Variants in AGBL1 observed in about 807,000 individuals in gnomAD.
The protein encoded by AGBL1 is cytosolic carboxypeptidase 4.
In AGBL1, 130 loss-of-function variants were observed where a neutral mutation model predicts 118.9. The ratio of observed to expected loss-of-function variants is 1.09; its 90% confidence interval spans 0.95 to 1.26. The LOEUF is 1.26. Among genes scored for constraint, AGBL1 ranks in the 50% most tolerant of loss-of-function variants. The pLI, the probability that AGBL1 is intolerant of heterozygous loss-of-function variation, is 0.00. For missense variants in AGBL1, 1,584 were observed against 1,298.1 expected (o/e 1.22, Z -3.38); for synonymous variants, 555 against 478.9 (o/e 1.16, Z -2.08).
At chr15:86,472,389 T>C (rs1401286231) in intron 18 of AGBL1, among the ~76,000 whole-genome samples, 1 of 152,190 alleles carries the variant, frequency 6.6e-6, no homozygotes, top group African/African-American at 2.4e-5. Flanking sequence ...GATTGGCCAG[T>C]GAATTGACAA....
chr15:86,806,915 CAT>C, intron 22 of AGBL1, among the ~76,000 whole-genome samples: 1 of 151,990 alleles, frequency 6.6e-6, no homozygotes, highest in East Asian at 1.9e-4. Context: ...TCATACGGTA[CAT>C]ATATATTATT....
chr15:86,529,805 A>C lies in AGBL1; in HGVS notation c.2685+6866A>C, dbSNP rs1341530302. Among the ~76,000 whole-genome samples, 3 of 151,566 alleles carry C rather than the reference A, an allele frequency of 2.0e-5. No homozygotes were observed. In the East Asian group the frequency reaches 5.8e-4, roughly 29 times the overall value. On this transcript the variant is annotated intron_variant, in intron 19 of 22. Coordinates refer to ENST00000614907, the MANE Select transcript of AGBL1 (RefSeq NM_001386094.1). ...CAGAAGAGACTGGGGGCCAATATTCAACATTCTTAAAGAAAAGAATTTTCA... is the reference window on the plus strand; with the variant it reads ...CAGAAGAGACTGGGGGCCAATATTCCACATTCTTAAAGAAAAGAATTTTCA...
intron 24 of AGBL1, among the ~76,000 whole-genome samples, chr15:86,993,765 A>G (rs531148188): frequency 6.6e-6 from 1 of 152,314 alleles, no homozygotes; most frequent in South Asian, 2.1e-4. Context: ...CCAGATTTCA[A>G]TGAATCTCCA....
chr15:86,271,053 T>TTTG (rs1330117024), intron 14 of AGBL1, among the ~76,000 whole-genome samples: 1 of 140,104 alleles, frequency 7.1e-6, no homozygotes, highest in Non-Finnish European at 1.5e-5. Context: ...ATTTTTTTTT[T>TTTG]TTTTTTTTTT....
rs149130889 is a variant in AGBL1 at position 86,628,523 on chromosome 15, G to A, written c.2995-45750G>A. ...TCTTTAAAAAAATTTTTGGCTGGGC[G>A]CAGTGGCTCATGCCTGTAATCCCAG... On this transcript the variant is annotated intron_variant, in intron 21 of 22. Transcript: ENST00000614907. 3.0e-3 allele frequency among the ~76,000 whole-genome samples: 453 copies of A among 152,236 alleles called. 3 individuals carry two copies. Among genetic ancestry groups the A allele is most frequent in the African/African-American group, 0.01 (429 of 41,538 alleles).
At chr15:86,596,448 T>C (rs2084405970) in intron 21 of AGBL1, among the ~76,000 whole-genome samples, 1 of 152,184 alleles carries the variant, frequency 6.6e-6, no homozygotes. Flanking sequence ...TAATCTTCTT[T>C]CTGAGAACTG....
intron 17 of AGBL1, among the ~76,000 whole-genome samples, chr15:86,318,171 C>T (rs2080045019): frequency 6.6e-6 from 1 of 152,178 alleles, no homozygotes; most frequent in African/African-American, 2.4e-5. Context: ...CCCCAGCTTT[C>T]TCTTGTGGGG....
chr15:86,625,178 T>A (rs373851210), intron 21 of AGBL1, among the ~76,000 whole-genome samples: 1 of 152,056 alleles, frequency 6.6e-6, no homozygotes, highest in African/African-American at 2.4e-5. Context: ...TCTGCCTCCT[T>A]CAAGTTGGGG....
chr15:86,788,808 C>G (rs1321270883), intron 22 of AGBL1, among the ~76,000 whole-genome samples: 1 of 152,030 alleles, frequency 6.6e-6, no homozygotes, highest in Non-Finnish European at 1.5e-5. Context: ...TTTGAGTGAG[C>G]TATATGTGAT....
At chr15:86,348,332 A>C (rs1433699136) in intron 17 of AGBL1, among the ~76,000 whole-genome samples, 1 of 152,226 alleles carries the variant, frequency 6.6e-6, no homozygotes, top group African/African-American at 2.4e-5. Flanking sequence ...ACCCCTACCT[A>C]CTGTGTTTTC....
At chr15:86,202,051 TG>T (rs2077915928) in intron 5 of AGBL1, among the ~76,000 whole-genome samples, 1 of 152,136 alleles carries the variant, frequency 6.6e-6, no homozygotes, top group Non-Finnish European at 1.5e-5. Flanking sequence ...CCCAGCACTT[TG>T]GGAGACCAAG....
At chr15:87,021,148 C>A (rs933390030) in intron 24 of AGBL1, among the ~76,000 whole-genome samples, 24 of 152,104 alleles carry the variant, frequency 1.6e-4, no homozygotes, top group African/African-American at 5.8e-4. Flanking sequence ...GGTAAAAGAA[C>A]AGACACATAG....
At chr15:86,768,812 T>C (rs78555288) in intron 22 of AGBL1, among the ~76,000 whole-genome samples, 9,847 of 151,754 alleles carry the variant, frequency 0.065, 387 homozygotes, top group South Asian at 0.14. Context: ...TCTTATATCA[T>C]ATTAATTGCT....
At chr15:86,673,554 T>C (rs1307228818) in intron 21 of AGBL1, among the ~76,000 whole-genome samples, 2 of 152,170 alleles carry the variant, frequency 1.3e-5, no homozygotes, top group Admixed American at 1.3e-4. Flanking sequence ...TCCTTATCTG[T>C]AGAATGGAGA....
At chr15:86,485,941 C>G (rs1445832698) in intron 18 of AGBL1, among the ~76,000 whole-genome samples, 3 of 152,004 alleles carry the variant, frequency 2.0e-5, no homozygotes, top group Non-Finnish European at 4.4e-5. Flanking sequence ...CTTTTTAAAC[C>G]CAATACATTA....
At chr15:87,014,319 CT>C (rs1353716676) in intron 24 of AGBL1, among the ~76,000 whole-genome samples, 1 of 152,144 alleles carries the variant, frequency 6.6e-6, no homozygotes, top group Non-Finnish European at 1.5e-5. Flanking sequence ...AATTTTCCCT[CT>C]CTTAATTCTA....
chr15:86,326,367 C>A (rs2080183187), intron 17 of AGBL1, among the ~76,000 whole-genome samples: 1 of 152,064 alleles, frequency 6.6e-6, no homozygotes, highest in African/African-American at 2.4e-5. Context: ...CCATTACATT[C>A]TTTTTTTACT....
chr15:86,244,938 C>T (rs1305421066), intron 6 of AGBL1, among the ~76,000 whole-genome samples: 2 of 152,022 alleles, frequency 1.3e-5, no homozygotes, highest in Non-Finnish European at 2.9e-5. Flanking sequence ...CAAGATCTGC[C>T]AGGAAGTGAA....
At chr15:86,654,196 G>C (rs1237229968) in intron 21 of AGBL1, among the ~76,000 whole-genome samples, 1 of 152,116 alleles carries the variant, frequency 6.6e-6, no homozygotes, top group Middle Eastern at 3.2e-3. Flanking sequence ...GGAAAAGCAA[G>C]AAGGGGAGTC....
Sources: gnomAD v4.1 joint callset for allele counts (sites outside exome capture counted in the v4.1 genomes callset) on GRCh38, gnomAD v4.1.1 for gene constraint, MANE v1.5 for transcripts, NCBI Gene and HGNC (gene_info 2026-07-23, HGNC 2026-07-21) for gene names.